Variants in PACSIN2 observed in about 807,000 individuals in gnomAD.
PACSIN2 encodes protein kinase C and casein kinase substrate in neurons protein 2.
Under a neutral mutation model 63.8 loss-of-function variants are expected in PACSIN2, and 25 were observed. The observed-to-expected ratio is 0.39, with a 90% CI of 0.29 to 0.55. PACSIN2 has a LOEUF of 0.55. Among genes scored for constraint, PACSIN2 ranks in the 20% least tolerant of loss-of-function variants. The probability of loss-of-function intolerance (pLI) is 0.62; values close to 1 mark genes in which losing one functional copy is unlikely to be tolerated. For synonymous variants in PACSIN2, 255 were observed against 256.2 expected, an observed-to-expected ratio of 1.00 and a Z score of 0.05; for missense variants, 518 against 646.9, an observed-to-expected ratio of 0.80 and a Z score of 2.16.
chr22:42,947,720 C>T (rs1439738696), intron 1 of PACSIN2, among the ~76,000 whole-genome samples: 2 of 152,068 alleles, frequency 1.3e-5, no homozygotes, highest in Non-Finnish European at 2.9e-5. Flanking sequence ...AGGCAAAATA[C>T]CTAAGAGCTC....
chr22:42,996,774 T>C (rs1455977403), intron 1 of PACSIN2, among the ~76,000 whole-genome samples: 1 of 152,152 alleles, frequency 6.6e-6, no homozygotes, highest in Non-Finnish European at 1.5e-5. Context: ...TTTCTGATGG[T>C]GTCCTCAGGC....
intron 8 of PACSIN2, 81 bp downstream of exon 8, chr22:42,878,966 CG>C (rs1928859037): frequency 6.8e-7 from 1 of 1,464,152 alleles, no homozygotes; most frequent in Non-Finnish European, 9.1e-7. Flanking sequence ...GTGTCCAGGC[CG>C]GGGCTGCCCT....
chr22:42,984,632 G>A (rs1367291517), intron 1 of PACSIN2, among the ~76,000 whole-genome samples: 8 of 152,064 alleles, frequency 5.3e-5, no homozygotes, highest in Admixed American at 2.0e-4. Context: ...CCCTTTAATC[G>A]GTGCTTCAGG....
intron 1 of PACSIN2, among the ~76,000 whole-genome samples, chr22:42,942,118 T>TA (rs1601555059): frequency 6.7e-6 from 1 of 150,064 alleles, no homozygotes; most frequent in African/African-American, 2.4e-5. Context: ...TTTTTTTTTT[T>TA]AATTCTTTCA....
rs117624337 is a variant in PACSIN2, at chr22:42,920,722, C to T, written c.-77-8565G>A. On this transcript the variant is annotated intron_variant, in intron 1 of 10. Transcript: ENST00000263246. ...GACAGGCCTTGGCAGGGTAGGAACGCCAAGCTCAGGGTTGAGAAATGCAAA... is the reference window on the plus strand; with the variant it reads ...GACAGGCCTTGGCAGGGTAGGAACGTCAAGCTCAGGGTTGAGAAATGCAAA... 6.9e-3 allele frequency among the ~76,000 whole-genome samples: 1,053 copies of T among 151,698 alleles called. 8 individuals carry two copies. Among genetic ancestry groups the T allele is most frequent in the Admixed American group, 0.018 (275 of 15,228 alleles).
chr22:42,920,318 T>C (rs1323391401), intron 1 of PACSIN2, among the ~76,000 whole-genome samples: 1 of 152,128 alleles, frequency 6.6e-6, no homozygotes, highest in African/African-American at 2.4e-5. Flanking sequence ...AAGCATGCCA[T>C]CCGAATTCCA....
intron 1 of PACSIN2, among the ~76,000 whole-genome samples, chr22:42,944,819 T>C (rs1298405681): frequency 6.6e-6 from 1 of 152,126 alleles, no homozygotes; most frequent in Admixed American, 6.5e-5. Flanking sequence ...GGACTGTAGC[T>C]GGGCGCGGTG....
rs1490385228 is a variant in PACSIN2 at position 42,870,692 on chromosome 22, T to C, written c.*665A>G. 1 of 152,212 alleles carries C rather than the reference T, an allele frequency of 6.6e-6. No individual in the cohort carries two copies. The highest frequency in any genetic ancestry group is 1.5e-5 in the Non-Finnish European group (1 of 68,054). The allele number at this position is 152,212 out of a possible 1,614,324, so 9.4% of individuals were successfully genotyped here. A position where few individuals can be genotyped will look rare whatever the true frequency, so the allele number is the denominator to read the frequency against. On this transcript the variant is annotated 3_prime_UTR_variant, in exon 11 of 11. Transcript: ENST00000263246. ...GTTCTATGTAAAGCTTCCATTCAGATGCCCAAAAGCACAAAGAGCATTCCC... is the reference window on the plus strand; with the variant it reads ...GTTCTATGTAAAGCTTCCATTCAGACGCCCAAAAGCACAAAGAGCATTCCC...
intron 1 of PACSIN2, chr22:43,002,311 G>A (rs921905588): frequency 6.6e-6 from 1 of 152,150 alleles, no homozygotes; most frequent in Admixed American, 6.5e-5. Context: ...GATACCTACC[G>A]CGATGGCTGA....
intron 1 of PACSIN2, among the ~76,000 whole-genome samples, chr22:42,987,057 C>G (rs957140193): frequency 1.3e-5 from 2 of 152,140 alleles, no homozygotes; most frequent in Non-Finnish European, 2.9e-5. Flanking sequence ...GTAGAGTCCA[C>G]TCCACCCACC....
chr22:43,006,859 C>G (rs1424061212), intron 1 of PACSIN2, among the ~76,000 whole-genome samples: 1 of 152,152 alleles, frequency 6.6e-6, no homozygotes, highest in East Asian at 1.9e-4. Context: ...ACAGCTACTG[C>G]ATTCTCAACC....
Position 42,876,140 on chromosome 22 carries a change from C to A in PACSIN2, c.1345G>T (p.Ala449Ser). 1 of 1,609,352 alleles carries A rather than the reference C, an allele frequency of 6.2e-7. No individual in the cohort carries two copies. The highest frequency in any genetic ancestry group is 8.5e-7 in the Non-Finnish European group (1 of 1,175,914). ...GQEHDELSFK[A>S]GDELTKMEDE... Reference sequence around the variant, plus strand: ...GATGCTGGGGGAGCCCACCTACCAGCCTTGAAGCTCAGCTCATCATGCTCC... The same window carrying A: ...GATGCTGGGGGAGCCCACCTACCAGACTTGAAGCTCAGCTCATCATGCTCC... The change falls in exon 10 of 11, where the codon GCT (alanine) becomes TCT (serine). Residue 449 changes from alanine (A) to serine (S), a missense_variant. This residue lies in a region of PACSIN2 where 507 missense variants were observed against 612.3 expected (regional missense o/e 0.83). Transcript: ENST00000263246.
chr22:42,999,067 T>C (rs1923595104), intron 1 of PACSIN2, among the ~76,000 whole-genome samples: 1 of 152,188 alleles, frequency 6.6e-6, no homozygotes, highest in Non-Finnish European at 1.5e-5. Context: ...GCCAGATAAT[T>C]CGGGATGCTG....
intron 1 of PACSIN2, among the ~76,000 whole-genome samples, chr22:42,924,563 C>A (rs899648718): frequency 6.6e-6 from 1 of 152,134 alleles, no homozygotes; most frequent in Non-Finnish European, 1.5e-5. Context: ...CTGCTCACCT[C>A]CACCGAGCTA....
At chr22:42,982,895 A>AAAAAAAAAAAG in intron 1 of PACSIN2, among the ~76,000 whole-genome samples, 3 of 121,894 alleles carry the variant, frequency 2.5e-5, no homozygotes, top group Admixed American at 9.6e-5. Context: ...AAAAAACAAC[A>AAAAAAAAAAAG]ACAAGGCTAG....
chr22:42,934,997 G>C (rs937411843), intron 1 of PACSIN2, among the ~76,000 whole-genome samples: 1 of 151,512 alleles, frequency 6.6e-6, no homozygotes, highest in African/African-American at 2.4e-5. Context: ...CTCACTGCAA[G>C]CTCCACCTCC....
At chr22:43,012,157 AC>A (rs1330807196) in intron 1 of PACSIN2, among the ~76,000 whole-genome samples, 7,607 of 77,870 alleles carry the variant, frequency 0.098, 343 homozygotes, top group African/African-American at 0.27. Context: ...ATAAATAAAT[AC>A]ATACATACAT....
Position 42,994,801 on chromosome 22 carries a change from G to A in PACSIN2, c.-78+20220C>T, listed in dbSNP as rs551823544. Among the ~76,000 whole-genome samples, 51 of 152,334 alleles carry A rather than the reference G, an allele frequency of 3.3e-4. 1 individual carries two copies. Among genetic ancestry groups the A allele is most frequent in the South Asian group, 4.1e-4 (2 of 4,830 alleles). On this transcript the variant is annotated intron_variant, in intron 1 of 10. Transcript: ENST00000263246. ...AATGCTGACATATGAAAGGTCTGGG[G>A]GCTGCGGGGAGCACCCTAGCATATC...
chr22:42,901,529 A>G (rs1930685592), intron 2 of PACSIN2, among the ~76,000 whole-genome samples: 1 of 152,218 alleles, frequency 6.6e-6, no homozygotes, highest in Admixed American at 6.5e-5. Context: ...AACTTTGTAC[A>G]AGTCCCTCTC....
Sources: allele counts gnomAD v4.1 joint callset (sites outside exome capture counted in the v4.1 genomes callset), GRCh38; gene constraint gnomAD v4.1.1; regional missense constraint gnomAD v4.1.1; transcripts MANE v1.5; gene names NCBI Gene and HGNC (gene_info 2026-07-23, HGNC 2026-07-21).